Variants in DOCK5 observed in about 807,000 individuals in gnomAD.
DOCK5 encodes the protein dedicator of cytokinesis 5, also known as dedicator of cytokinesis protein 5.
In DOCK5, 142 loss-of-function variants were observed where a neutral mutation model predicts 251.8. That is an observed-to-expected ratio of 0.56 (90% confidence interval 0.49 to 0.65). The LOEUF (loss-of-function observed/expected upper bound fraction) is 0.65. Ranked by LOEUF, DOCK5 falls within the 30% of genes least tolerant of loss-of-function variation. The pLI, the probability that DOCK5 is intolerant of heterozygous loss-of-function variation, is 0.00. For synonymous variants in DOCK5, 842 were observed against 835.5 expected, an observed-to-expected ratio of 1.01 and a Z score of -0.13; for missense variants, 2,111 against 2,312.3, an observed-to-expected ratio of 0.91 and a Z score of 1.79.
chr8:25,281,549 T>G (rs1420027103), intron 5 of DOCK5, among the ~76,000 whole-genome samples: 1 of 146,730 alleles, frequency 6.8e-6, no homozygotes, highest in Non-Finnish European at 1.5e-5. Context: ...ATTTCCTTGG[T>G]GGGAGAGTTT....
At chr8:25,296,398 C>T in intron 6 of DOCK5, 115 bp from the exon 7 acceptor site, 1 of 1,351,274 alleles carries the variant, frequency 7.4e-7, no homozygotes, top group Non-Finnish European at 1.0e-6. Flanking sequence ...CTTCCCTGGG[C>T]TTGTCCAGCA....
At chr8:25,258,605 T>G (rs183839662) in intron 2 of DOCK5, among the ~76,000 whole-genome samples, 3 of 152,240 alleles carry the variant, frequency 2.0e-5, no homozygotes, top group Admixed American at 2.0e-4. Context: ...CCACTGGGCA[T>G]GGGATCCCAG....
intron 48 of DOCK5, among the ~76,000 whole-genome samples, chr8:25,406,236 G>C (rs1283695003): frequency 6.6e-6 from 1 of 152,196 alleles, no homozygotes; most frequent in Non-Finnish European, 1.5e-5. Context: ...GGGATTACAG[G>C]CGTGAGCCAC....
At chr8:25,237,718 C>G (rs1198748502) in intron 1 of DOCK5, among the ~76,000 whole-genome samples, 2 of 152,198 alleles carry the variant, frequency 1.3e-5, no homozygotes, top group Non-Finnish European at 2.9e-5. Context: ...TACAGCAACT[C>G]CCGGTTCTTG....
At chr8:25,390,150 G>C in intron 41 of DOCK5, 56 bp from the exon 42 acceptor site, 1 of 1,458,894 alleles carries the variant, frequency 6.9e-7, no homozygotes, top group Non-Finnish European at 9.3e-7. Flanking sequence ...AGGGGTGTTT[G>C]GTGTCTGACA....
At chr8:25,277,260 C>A in intron 4 of DOCK5, 1 of 153,244 alleles carries the variant, frequency 6.5e-6, no homozygotes, top group South Asian at 1.8e-4. Flanking sequence ...TAAGAAAACT[C>A]ATAGTTAAAT....
chr8:25,398,048 G>T (rs1160338085), intron 45 of DOCK5, among the ~76,000 whole-genome samples: 3 of 152,148 alleles, frequency 2.0e-5, no homozygotes, highest in Non-Finnish European at 4.4e-5. Flanking sequence ...TTCTAATCCA[G>T]CTCTTTATTC....
chr8:25,298,447 C>T (rs994052477), intron 7 of DOCK5, among the ~76,000 whole-genome samples: 3 of 152,138 alleles, frequency 2.0e-5, no homozygotes, highest in African/African-American at 7.2e-5. Context: ...GTTTGAATGT[C>T]TGGGATTCAA....
intron 40 of DOCK5, among the ~76,000 whole-genome samples, chr8:25,387,899 T>C (rs1481306032): frequency 6.6e-6 from 1 of 152,212 alleles, no homozygotes; most frequent in Non-Finnish European, 1.5e-5. Context: ...CTGTGATTCC[T>C]TTTACAGTTA....
At chr8:25,187,319 G>A (rs1036723499) in intron 1 of DOCK5, among the ~76,000 whole-genome samples, 19 of 142,300 alleles carry the variant, frequency 1.3e-4, no homozygotes, top group African/African-American at 4.5e-4. Flanking sequence ...ATGCGTATAT[G>A]TGTGTGTGTG....
chr8:25,254,390 G>C (rs1268354122), intron 2 of DOCK5, among the ~76,000 whole-genome samples: 1 of 152,040 alleles, frequency 6.6e-6, no homozygotes, highest in Non-Finnish European at 1.5e-5. Context: ...GTGATAAACT[G>C]GACTTTATTA....
chr8:25,373,390 C>T (rs1429778154), intron 35 of DOCK5, among the ~76,000 whole-genome samples: 3 of 152,174 alleles, frequency 2.0e-5, no homozygotes, highest in Non-Finnish European at 4.4e-5. Flanking sequence ...ATCCCTCACC[C>T]TCCTATAACC....
chr8:25,379,831 AAAC>A (rs1234957467), intron 38 of DOCK5, among the ~76,000 whole-genome samples: 3 of 145,402 alleles, frequency 2.1e-5, no homozygotes, highest in South Asian at 2.2e-4. Flanking sequence ...CCATCTCCAC[AAAC>A]AACATCACTA....
intron 1 of DOCK5, among the ~76,000 whole-genome samples, chr8:25,197,604 A>G (rs1307614519): frequency 7.4e-5 from 4 of 54,246 alleles, no homozygotes; most frequent in Admixed American, 2.5e-4. Flanking sequence ...TTTTTTTTTG[A>G]GAAGGAGTCT....
intron 2 of DOCK5, among the ~76,000 whole-genome samples, chr8:25,245,466 A>G (rs773554344): frequency 6.6e-6 from 1 of 151,756 alleles, no homozygotes; most frequent in Non-Finnish European, 1.5e-5. Context: ...GGTAAAAAGC[A>G]TAAGTTCAAT....
chr8:25,299,142 A>G, intron 8 of DOCK5, 41 bp downstream of exon 8: 1 of 1,598,608 alleles, frequency 6.3e-7, no homozygotes, highest in Non-Finnish European at 8.5e-7. Flanking sequence ...CCTAACAAAG[A>G]TACCCAGCCT....
intron 44 of DOCK5, among the ~76,000 whole-genome samples, chr8:25,394,003 G>T (rs1801303784): frequency 6.6e-6 from 1 of 152,116 alleles, no homozygotes; most frequent in Non-Finnish European, 1.5e-5. Flanking sequence ...AAGGTGGGAG[G>T]ATCACTTGAG....
intron 2 of DOCK5, among the ~76,000 whole-genome samples, chr8:25,260,178 G>A (rs1283579581): frequency 6.6e-6 from 1 of 151,282 alleles, no homozygotes; most frequent in East Asian, 1.9e-4. Context: ...AGCTCACCGG[G>A]GATGGGAGGA....
rs1362814219 is a variant in DOCK5 at position 25,412,915 on chromosome 8, T to G, written c.*1617T>G. 6.6e-6 allele frequency: 1 copy of G among 152,222 alleles called. No individual in the cohort carries two copies. Among genetic ancestry groups the G allele is most frequent in the Non-Finnish European group, 1.5e-5 (1 of 68,050 alleles). 9.4% of individuals were successfully genotyped at this position (152,222 alleles called of 1,614,324 possible). A position where few individuals can be genotyped will look rare whatever the true frequency, so the allele number is the denominator to read the frequency against. ...CAGGGCGTTACTTAAGAAATGAGTATGCAGATTCTGGAAGGGGTGTGGAAA... is the reference window on the plus strand; with the variant it reads ...CAGGGCGTTACTTAAGAAATGAGTAGGCAGATTCTGGAAGGGGTGTGGAAA... On this transcript the variant is annotated 3_prime_UTR_variant, in exon 52 of 52. Coordinates refer to ENST00000276440, the MANE Select transcript of DOCK5 (RefSeq NM_024940.8).
Sources: gnomAD v4.1 joint callset for allele counts (sites outside exome capture counted in the v4.1 genomes callset) on GRCh38, gnomAD v4.1.1 for gene constraint, MANE v1.5 for transcripts, NCBI Gene and HGNC (gene_info 2026-07-23, HGNC 2026-07-21) for gene names.